PTOV1: variants seen among roughly 807,000 people sequenced by gnomAD.
PTOV1 encodes the protein prostate tumor-overexpressed gene 1 protein.
PTOV1 carries 20 observed loss-of-function variants against 58.0 expected under a neutral mutation model. That is an observed-to-expected ratio of 0.34 (90% CI 0.24 to 0.50). The LOEUF (loss-of-function observed/expected upper bound fraction) is 0.50, where lower values mean the gene tolerates loss of function less well. Ranked by LOEUF, PTOV1 falls within the 20% of genes least tolerant of loss-of-function variation. PTOV1 has a pLI of 0.98. For synonymous variants in PTOV1, 335 were observed against 234.2 expected, an observed-to-expected ratio of 1.43 and a Z score of -3.93; for missense variants, 593 against 565.4, an observed-to-expected ratio of 1.05 and a Z score of -0.50.
chr19:49,855,395 G>A (rs904051891), intron 5 of PTOV1: 4 of 394,986 alleles, frequency 1.0e-5, no homozygotes, highest in Non-Finnish European at 1.9e-5. Context: ...CATAGCGTAT[G>A]GCAGGGACCT....
chr19:49,860,234 C>G, intron 11 of PTOV1, 34 bp from the exon 12 acceptor site: 1 of 1,613,698 alleles, frequency 6.2e-7, no homozygotes, highest in South Asian at 1.1e-5. Flanking sequence ...CCCCCGCTGC[C>G]TGCTCACCAC....
In PTOV1 at chr19:49,857,603, G is replaced by T. The variant is rs2074533239; in HGVS notation, c.715-90G>T. 2.4e-6 allele frequency: 3 copies of T among 1,252,536 alleles called. No homozygotes were observed. The African/African-American group carries it at 4.4e-5, about 19-fold the overall frequency. The allele number at this position is 1,252,536 out of a possible 1,614,324, so 77.6% of individuals were successfully genotyped here. Reference sequence around the variant, plus strand: ...ACCCAGCTGGGGCTAACAGGCCAAGGCTCGGAGGGAGGGATGGCAGGCCCC... The same window carrying T: ...ACCCAGCTGGGGCTAACAGGCCAAGTCTCGGAGGGAGGGATGGCAGGCCCC... On this transcript the variant is annotated intron_variant, in intron 6 of 11. Coordinates refer to ENST00000391842, the Ensembl canonical transcript of PTOV1.
intron 1 of PTOV1, chr19:49,852,155 C>T (rs2074278427): frequency 3.5e-6 from 3 of 863,738 alleles, no homozygotes; most frequent in South Asian, 5.3e-5. Flanking sequence ...TGTAAAACCG[C>T]ACATCGCGAC....
chr19:49,858,620 G>C (rs1422434857), exon 10 of PTOV1: 1 of 1,604,436 alleles, frequency 6.2e-7, no homozygotes, highest in Non-Finnish European at 8.5e-7. Context: ...TGGAGACACT[G>C]AAGAGCCTGT....
exon 10 of PTOV1, chr19:49,858,635 G>C: frequency 6.2e-7 from 1 of 1,601,250 alleles, no homozygotes. Context: ...GCCTGTGCCG[G>C]ATCATGGACA....
rs2074245591 is a variant in PTOV1, at chr19:49,851,507, C to T, written c.171+8C>T. 1.7e-6 allele frequency: 2 copies of T among 1,202,202 alleles called. No individual in the cohort carries two copies. The highest frequency in any genetic ancestry group is 3.3e-5 in the East Asian group (1 of 30,268). The allele number at this position is 1,202,202 out of a possible 1,614,324, so 74.5% of individuals were successfully genotyped here. ...CGCTCGGCCCCTCCCATGGTGAGCC[C>T]CCCGCCCTTTTTCCAGAGCCTTCCA... On this transcript the variant is annotated splice_region_variant and intron_variant, in intron 1 of 11. Coordinates refer to ENST00000391842, the Ensembl canonical transcript of PTOV1.
chr19:49,860,195 G>A lies in PTOV1; in HGVS notation c.1239+12G>A, dbSNP rs767680698. 87 of 1,613,852 alleles carry A rather than the reference G, an allele frequency of 5.4e-5. No homozygotes were observed. In the East Asian group the frequency reaches 6.7e-4, roughly 12 times the overall value. Reference sequence around the variant, plus strand: ...AACAGCAACGAGGGGTGAGGTGGCCGGCCTCCAGGGCTGCTCAGTCTCCCT... The same window carrying A: ...AACAGCAACGAGGGGTGAGGTGGCCAGCCTCCAGGGCTGCTCAGTCTCCCT... On this transcript the variant is annotated intron_variant, in intron 11 of 11. Transcript: ENST00000391842.
At chr19:49,852,130 A>C in intron 1 of PTOV1, 1 of 947,660 alleles carries the variant, frequency 1.1e-6, no homozygotes, top group Non-Finnish European at 1.3e-6. Context: ...AGAAACCGTA[A>C]GGTTTACCTG....
chr19:49,855,344 TG>T, intron 5 of PTOV1: 1 of 506,874 alleles, frequency 2.0e-6, no homozygotes, highest in Non-Finnish European at 3.6e-6. Flanking sequence ...AGGGAGGGAC[TG>T]GGGCCAGCCC....
chr19:49,854,834 G>T lies in PTOV1; in HGVS notation c.396G>T (p.Glu132Asp), dbSNP rs1279285129. 6.2e-7 allele frequency: 1 copy of T among 1,613,354 alleles called. No homozygotes were observed. The change falls in exon 4 of 12, where the codon GAG becomes GAT. Residue 132 changes from glutamate to aspartate, a missense_variant. Physicochemically the swap from Glu to Asp is conservative, Grantham distance 45 (BLOSUM62 2). Coordinates refer to ENST00000391842, the Ensembl canonical transcript of PTOV1. ...TCTGACCAGCTCCTTCCCATAGGGAGACCGACCAGTGGCCGCAGAAGCTGA... is the reference window on the plus strand; with the variant it reads ...TCTGACCAGCTCCTTCCCATAGGGATACCGACCAGTGGCCGCAGAAGCTGA...
chr19:49,858,102 G>A (rs776730341), exon 9 of PTOV1: 67 of 1,613,412 alleles, frequency 4.2e-5, no homozygotes, highest in African/African-American at 9.3e-5. Context: ...AGCTCATCCC[G>A]CAGCAGCTGC....
Position 49,854,980 on chromosome 19 carries a change from GC to G in PTOV1, c.466del (p.Leu156CysfsTer132). ...TCCTGTCGCCCCCAGACCACCCTGG[GC>G]CCCCTGTTCCGGAACTCCCAGTTGG... On this transcript the variant is annotated frameshift_variant, in exon 5 of 12. Transcript: ENST00000391842. LOFTEE classifies it high-confidence loss of function. The G allele has an allele frequency of 6.3e-7, 1 of 1,597,388 alleles. No homozygotes were observed. The highest frequency in any genetic ancestry group is 8.5e-7 in the Non-Finnish European group (1 of 1,172,274).
upstream of PTOV1, chr19:49,850,903 C>A (rs1377521744): frequency 2.0e-6 from 3 of 1,535,902 alleles, no homozygotes; most frequent in Middle Eastern, 1.7e-4. Flanking sequence ...GCCGTCCCGA[C>A]CCCCGCAAGG....
At chr19:49,855,494 C>A (rs531119061) in intron 5 of PTOV1, 1 of 236,534 alleles carries the variant, frequency 4.2e-6, no homozygotes, top group East Asian at 1.0e-4. Context: ...GGGCTAACCT[C>A]CCCGAGTGGC....
At chr19:49,860,526 G>C (rs1053752031) in exon 12 of PTOV1, 1 of 625,822 alleles carries the variant, frequency 1.6e-6, no homozygotes, top group Non-Finnish European at 2.8e-6. Context: ...ATCCAGGCCT[G>C]GGTGGGGCCA....
chr19:49,856,703 T>C, intron 5 of PTOV1: 1 of 413,128 alleles, frequency 2.4e-6, no homozygotes, highest in South Asian at 3.6e-5. Context: ...CGGCAGGGGG[T>C]GATGTGGGTG....
intron 9 of PTOV1, 30 bp from the exon 10 acceptor site, chr19:49,858,519 A>C: frequency 6.5e-7 from 1 of 1,549,500 alleles, no homozygotes; most frequent in Non-Finnish European, 8.8e-7. Context: ...GGGAGAAGCC[A>C]GAGCTGGGGG....
intron 10 of PTOV1, 155 bp from the exon 11 acceptor site, chr19:49,859,831 C>G (rs2074668972): frequency 1.3e-6 from 1 of 766,262 alleles, no homozygotes; most frequent in Non-Finnish European, 2.1e-6. Context: ...CCGTGTCATC[C>G]CAATAAGGGG....
At chr19:49,858,059 G>A (rs780046219) in exon 9 of PTOV1, 1 of 1,614,086 alleles carries the variant, frequency 6.2e-7, no homozygotes, top group Non-Finnish European at 8.5e-7. Context: ...CCCCACAGGA[G>A]GACCGAGCAG....
Sources: allele counts gnomAD v4.1 joint callset, GRCh38; gene constraint gnomAD v4.1.1; transcripts MANE v1.5; gene names NCBI Gene and HGNC (gene_info 2026-07-23, HGNC 2026-07-21).